Variants in POLR3D observed in about 807,000 individuals in gnomAD.
The protein encoded by POLR3D is RNA polymerase III subunit D, also known as DNA-directed RNA polymerase III subunit RPC4.
POLR3D carries 42 observed loss-of-function variants against 44.5 expected under a neutral mutation model. That is an observed-to-expected ratio of 0.94 (90% CI 0.74 to 1.22). The LOEUF (loss-of-function observed/expected upper bound fraction) is 1.22. Ranked by LOEUF, POLR3D falls within the 50% of genes most tolerant of loss-of-function variation. POLR3D has a pLI of 0.00. For synonymous variants in POLR3D, 217 were observed against 198.1 expected, an observed-to-expected ratio of 1.10 and a Z score of -0.80; for missense variants, 507 against 505.2, an observed-to-expected ratio of 1.00 and a Z score of -0.03.
At position 22,245,466 on chromosome 8, in the gene POLR3D, C is replaced by T. The variant is rs745660980; in HGVS notation, c.17C>T (p.Ala6Val). 1 of 1,309,408 alleles carries T rather than the reference C, an allele frequency of 7.6e-7. No individual in the cohort carries two copies. The allele number at this position is 1,309,408 out of a possible 1,614,324, so 81.1% of individuals were successfully genotyped here. The change falls in exon 2 of 9, where the codon GCC becomes GTC. Residue 6 changes from alanine to valine, a missense_variant. Physicochemically the swap from Ala to Val is moderately conservative, Grantham distance 64. Transcript: ENST00000306433. MSEGNAAGEPSTPGGP... is the reference protein window; with the variant it reads MSEGNVAGEPSTPGGP... ...CCAGGCAACATGTCGGAAGGAAACG[C>T]CGCCGGCGAGCCCAGCACGCCGGGA...
At position 22,245,574 on chromosome 8, in the gene POLR3D, C is replaced by G; in HGVS notation, c.125C>G (p.Ser42Cys). The G allele has an allele frequency of 7.9e-7, 1 of 1,260,968 alleles. No individual in the cohort carries two copies. Among genetic ancestry groups the G allele is most frequent in the Non-Finnish European group, 1.0e-6 (1 of 994,748 alleles). 78.1% of individuals were successfully genotyped at this position (1,260,968 alleles called of 1,614,324 possible). ...CCCCTCACCCCCGGCCGCCTTCCCTCCATCCGTTCCAGGGACCTCACCCTC... is the reference window on the plus strand; with the variant it reads ...CCCCTCACCCCCGGCCGCCTTCCCTGCATCCGTTCCAGGGACCTCACCCTC... ...APPLTPGRLP[S>C]IRSRDLTLGG... Residue 42 changes from serine (S) to cysteine (C), a missense_variant, in exon 2 of 9, where the codon TCC (serine) becomes TGC (cysteine). Physicochemically the swap from Ser to Cys is moderately radical, Grantham distance 112 (BLOSUM62 -1). Coordinates refer to ENST00000306433, the MANE Select transcript of POLR3D (RefSeq NM_001722.3).
In POLR3D at chr8:22,251,679, T is replaced by C. The variant is rs555437257; in HGVS notation, c.*1161T>C. On this transcript the variant is annotated 3_prime_UTR_variant, in exon 9 of 9. Transcript: ENST00000306433. ...GCCAGAGCCACCTACTCAGTGTTAC[T>C]TTTTTGGGTCTGTGATCCTGTTCCC... 3.3e-5 allele frequency: 5 copies of C among 152,916 alleles called. No individual in the cohort carries two copies. The highest frequency in any genetic ancestry group is 7.3e-5 in the Non-Finnish European group (5 of 68,060). The allele number at this position is 152,916 out of a possible 1,614,324, so 9.5% of individuals were successfully genotyped here.
rs1208526698 is a variant in POLR3D, at chr8:22,245,145, G to A, written c.-44G>A. 5 of 587,424 alleles carry A rather than the reference G, an allele frequency of 8.5e-6. No individual in the cohort carries two copies. Among genetic ancestry groups the A allele is most frequent in the Middle Eastern group, 3.2e-4 (1 of 3,140 alleles). The allele number at this position is 587,424 out of a possible 1,614,324, so 36.4% of individuals were successfully genotyped here. A position where few individuals can be genotyped will look rare whatever the true frequency, so the allele number is the denominator to read the frequency against. ...GGCCCTGCCACGCAGACTTCCGCCCGGCGCGGAGACCGAAGGCTGGCGGCT... is the reference window on the plus strand; with the variant it reads ...GGCCCTGCCACGCAGACTTCCGCCCAGCGCGGAGACCGAAGGCTGGCGGCT... On this transcript the variant is annotated 5_prime_UTR_variant, in exon 1 of 9. Transcript: ENST00000306433.
At position 22,249,160 on chromosome 8, in the gene POLR3D, C is replaced by G. The variant is rs999853073; in HGVS notation, c.772C>G (p.Leu258Val). 6.2e-7 allele frequency: 1 copy of G among 1,614,026 alleles called. No individual in the cohort carries two copies. The highest frequency in any genetic ancestry group is 8.5e-7 in the Non-Finnish European group (1 of 1,180,038). The change falls in exon 7 of 9, where the codon CTG becomes GTG. Residue 258 changes from leucine to valine, a missense_variant. Coordinates refer to ENST00000306433, the MANE Select transcript of POLR3D (RefSeq NM_001722.3). ...ATCTGTGGCAGAGCTGCTGAGGGAG[C>G]TGAGCCTCACCAAGGAAGAGGAACT... Reference protein sequence around the residue: ...DVSVAELLRELSLTKEEELLF... With the variant: ...DVSVAELLREVSLTKEEELLF...
chr8:22,250,182 G>A lies in POLR3D; in HGVS notation c.1029G>A (p.Lys343=), dbSNP rs1314015607. 1.9e-6 allele frequency: 3 copies of A among 1,614,064 alleles called. No homozygotes were observed. In the African/African-American group the frequency reaches 4.0e-5, roughly 22 times the overall value. ...KSGRVQLLLG[K]VTLDVTMGTA... ...GAAGGGTGCAACTCCTCTTGGGCAAGGTGACTCTGGACGTGACCATGGGAA... is the reference window on the plus strand; with the variant it reads ...GAAGGGTGCAACTCCTCTTGGGCAAAGTGACTCTGGACGTGACCATGGGAA... The change falls in exon 8 of 9, where the codon AAG becomes AAA. Residue 343 remains lysine (K), a synonymous_variant. Transcript: ENST00000306433.
In POLR3D at chr8:22,248,743, G is replaced by A. The variant is rs115681981; in HGVS notation, c.655+94G>A. On this transcript the variant is annotated intron_variant, in intron 6 of 8. Transcript: ENST00000306433. Reference sequence around the variant, plus strand: ...TCCCTTGCATGTGCCCCTGACTGCTGCTCGTGAGCAGGTCCTCCCATTCCG... The same window carrying A: ...TCCCTTGCATGTGCCCCTGACTGCTACTCGTGAGCAGGTCCTCCCATTCCG... The A allele has an allele frequency of 9.1e-4, 1,140 of 1,251,102 alleles. 7 individuals are homozygous for A. In the African/African-American group the frequency reaches 0.015, roughly 16 times the overall value. The allele number at this position is 1,251,102 out of a possible 1,614,324, so 77.5% of individuals were successfully genotyped here.
chr8:22,247,959 G>T lies in POLR3D; in HGVS notation c.312G>T (p.Gln104His). ...GRGRGRPEVI[Q>H]SHSIFEQGPA... ...GGCGAGGCCGTCCAGAAGTGATCCA[G>T]TCTCACTCCATCTTTGAGCAGGGCC... Residue 104 changes from glutamine (Q) to histidine (H), a missense_variant, in exon 4 of 9, where the codon CAG becomes CAT. Physicochemically the swap from Gln to His is conservative, Grantham distance 24 (BLOSUM62 0). Coordinates refer to ENST00000306433, the MANE Select transcript of POLR3D (RefSeq NM_001722.3). 6.2e-7 allele frequency: 1 copy of T among 1,614,142 alleles called. No homozygotes were observed.
chr8:22,251,407 A>T lies in POLR3D; in HGVS notation c.*889A>T, dbSNP rs1830104646. 1 of 153,068 alleles carries T rather than the reference A, an allele frequency of 6.5e-6. No individual in the cohort carries two copies. Among genetic ancestry groups the T allele is most frequent in the African/African-American group, 2.4e-5 (1 of 41,192 alleles). The allele number at this position is 153,068 out of a possible 1,614,324, so 9.5% of individuals were successfully genotyped here. ...GGTAATAGAAAGGAAGAAGTCAGAG[A>T]CCCCTCCCAGCACCCTACAAAAGCC... is the stretch of plus-strand genomic sequence containing the variant. On this transcript the variant is annotated 3_prime_UTR_variant, in exon 9 of 9. Transcript: ENST00000306433.
Position 22,245,559 on chromosome 8 carries a change from C to G in POLR3D, c.110C>G (p.Pro37Arg), listed in dbSNP as rs543418485. ...IGRRPAPPLT[P>R]GRLPSIRSRD... ...CGGCGGCCGGCGCCTCCCCTCACCC[C>G]CGGCCGCCTTCCCTCCATCCGTTCC... is the stretch of plus-strand genomic sequence containing the variant. The change falls in exon 2 of 9, where the codon CCC (proline) becomes CGC (arginine). Residue 37 changes from proline (P) to arginine (R), a missense_variant. Physicochemically the swap from Pro to Arg is moderately radical, Grantham distance 103 (BLOSUM62 -2). Coordinates refer to ENST00000306433, the MANE Select transcript of POLR3D (RefSeq NM_001722.3). The G allele has an allele frequency of 2.1e-5, 26 of 1,262,346 alleles. No homozygotes were observed. In the African/African-American group the frequency reaches 3.8e-4, roughly 19 times the overall value. The allele number at this position is 1,262,346 out of a possible 1,614,324, so 78.2% of individuals were successfully genotyped here. A position where few individuals can be genotyped will look rare whatever the true frequency, so the allele number is the denominator to read the frequency against.
chr8:22,250,742 T>C lies in POLR3D; in HGVS notation c.*224T>C, dbSNP rs774276696. The C allele has an allele frequency of 2.8e-5, 16 of 578,168 alleles. No homozygotes were observed. Among genetic ancestry groups the C allele is most frequent in the Non-Finnish European group, 5.0e-5 (16 of 322,904 alleles). The allele number at this position is 578,168 out of a possible 1,614,324, so 35.8% of individuals were successfully genotyped here. A position where few individuals can be genotyped will look rare whatever the true frequency, so the allele number is the denominator to read the frequency against. ...ATGGCACATCCTTGCTGCTGGGGAC[T>C]TGGCCCTGCTATTTATTTTTGTATT... On this transcript the variant is annotated 3_prime_UTR_variant, in exon 9 of 9. Coordinates refer to ENST00000306433, the MANE Select transcript of POLR3D (RefSeq NM_001722.3).
chr8:22,247,942 C>T lies in POLR3D; in HGVS notation c.295C>T (p.Arg99Cys), dbSNP rs1315416094. ...QREGHGRGRG[R>C]PEVIQSHSIF... is the part of the protein sequence containing the mutation. ...AGAGGGGCATGGACGAGGGCGAGGC[C>T]GTCCAGAAGTGATCCAGTCTCACTC... The change falls in exon 4 of 9, where the codon CGT becomes TGT. Residue 99 changes from arginine (R) to cysteine (C), a missense_variant. Physicochemically the swap from Arg to Cys is radical, Grantham distance 180. Coordinates refer to ENST00000306433, the MANE Select transcript of POLR3D (RefSeq NM_001722.3). 3 of 1,614,058 alleles carry T rather than the reference C, an allele frequency of 1.9e-6. No individual in the cohort carries two copies. Among genetic ancestry groups the T allele is most frequent in the Non-Finnish European group, 2.5e-6 (3 of 1,180,006 alleles).
intron 4 of POLR3D, 55 bp downstream of exon 4, chr8:22,248,063 A>G: frequency 6.2e-7 from 1 of 1,607,920 alleles, no homozygotes. Context: ...GAAGGGCGAG[A>G]ACAGTGGAAT....
chr8:22,248,621 C>T lies in POLR3D; in HGVS notation c.627C>T (p.Asp209=). ...KPWLAGPKEE[D]MEVDIPAVKV... is the part of the protein sequence containing the mutation. ...GGCTGGCTGGCCCCAAGGAAGAGGA[C>T]ATGGAGGTGGACATACCTGCTGTGA... Residue 209 remains aspartate, a synonymous_variant, in exon 6 of 9, where the codon GAC becomes GAT. Coordinates refer to ENST00000306433, the MANE Select transcript of POLR3D (RefSeq NM_001722.3). 6.2e-7 allele frequency: 1 copy of T among 1,613,852 alleles called. No individual in the cohort carries two copies. The highest frequency in any genetic ancestry group is 2.2e-5 in the East Asian group (1 of 44,870).
Position 22,252,449 on chromosome 8 carries a change from G to A in POLR3D, c.*1931G>A, listed in dbSNP as rs950706673. 2.6e-5 allele frequency: 4 copies of A among 152,208 alleles called. No homozygotes were observed. Among genetic ancestry groups the A allele is most frequent in the African/African-American group, 9.7e-5 (4 of 41,416 alleles). The allele number at this position is 152,208 out of a possible 1,614,324, so 9.4% of individuals were successfully genotyped here. On this transcript the variant is annotated 3_prime_UTR_variant, in exon 9 of 9. Coordinates refer to ENST00000306433, the MANE Select transcript of POLR3D (RefSeq NM_001722.3). The stretch of plus-strand genomic sequence containing the variant: ...GGTATTTTTCAATCTTCTGTTTTCT[G>A]ACCCTTCCAAGAAAGTTTGAGGAAG...
rs1431347297 is a variant in POLR3D, at chr8:22,252,409, C to T, written c.*1891C>T. 1 of 152,614 alleles carries T rather than the reference C, an allele frequency of 6.6e-6. No homozygotes were observed. Among genetic ancestry groups the T allele is most frequent in the Non-Finnish European group, 1.5e-5 (1 of 68,026 alleles). 9.5% of individuals were successfully genotyped at this position (152,614 alleles called of 1,614,324 possible). A position where few individuals can be genotyped will look rare whatever the true frequency, so the allele number is the denominator to read the frequency against. ...CTTTTTTTGGACGAACTCAATGGCC[C>T]GATGTTAGATATTGGGTATTTTTCA... On this transcript the variant is annotated 3_prime_UTR_variant, in exon 9 of 9. Coordinates refer to ENST00000306433, the MANE Select transcript of POLR3D (RefSeq NM_001722.3).
rs749823953 is a variant in POLR3D at position 22,249,240 on chromosome 8, C to A, written c.852C>A (p.Ile284=). 9.9e-6 allele frequency: 16 copies of A among 1,613,930 alleles called. No homozygotes were observed. Among genetic ancestry groups the A allele is most frequent in the African/African-American group, 1.3e-5 (1 of 74,876 alleles). The change falls in exon 7 of 9, where the codon ATC becomes ATA. Residue 284 remains isoleucine, a synonymous_variant. Transcript: ENST00000306433. ...TLPGQPPTQD[I]KPIKTEVQGE... is the part of the protein sequence containing the mutation. ...CTGGCCAGCCACCCACCCAGGACAT[C>A]AAGCCTATCAAGACAGAGGTGCAGG...
At chr8:22,247,363 T>C (rs1436392655) in intron 3 of POLR3D, 99 bp downstream of exon 3, 1 of 858,192 alleles carries the variant, frequency 1.2e-6, no homozygotes, top group Non-Finnish European at 1.9e-6. Flanking sequence ...AAAATTTAAA[T>C]TTATATCTTT....
At chr8:22,245,411 C>T (rs1394830339) in intron 1 of POLR3D, 34 bp from the exon 2 acceptor site, 10 of 1,306,792 alleles carry the variant, frequency 7.7e-6, no homozygotes, top group African/African-American at 1.5e-5. Flanking sequence ...CGTGTCAGTC[C>T]CCTCTGGTGA....
At chr8:22,246,337 A>G (rs1052226742) in intron 2 of POLR3D, among the ~76,000 whole-genome samples, 2 of 151,772 alleles carry the variant, frequency 1.3e-5, no homozygotes, top group African/African-American at 4.8e-5. Flanking sequence ...CATGTTGGCC[A>G]GGCTGTTCTT....
Sources: gnomAD v4.1 joint callset for allele counts (sites outside exome capture counted in the v4.1 genomes callset) on GRCh38, gnomAD v4.1.1 for gene constraint, MANE v1.5 for transcripts, NCBI Gene and HGNC (gene_info 2026-07-23, HGNC 2026-07-21) for gene names.